The following KCNMA1 variants were observed in gnomAD, a reference collection of about 807,000 sequenced individuals.
The protein encoded by KCNMA1 is Calcium-activated potassium channel subunit alpha-1.
In KCNMA1, 29 loss-of-function variants were observed where a neutral mutation model predicts 140.0. The ratio of observed to expected loss-of-function variants is 0.21; its 90% CI spans 0.15 to 0.28. KCNMA1 has a LOEUF of 0.28. KCNMA1 is among the 10% of genes least tolerant of loss of function. The pLI is 1.00. For synonymous variants in KCNMA1, 612 were observed against 611.9 expected (o/e 1.00, Z 0.00); for missense variants, 880 against 1,602.2 (o/e 0.55, Z 7.70).
At chr10:77,175,693 G>C (rs2098746352) in intron 5 of KCNMA1, among the ~76,000 whole-genome samples, 1 of 152,184 alleles carries the variant, frequency 6.6e-6, no homozygotes, top group South Asian at 2.1e-4. Context: ...GCTGGAGTCA[G>C]AGCTGTGCCT....
At chr10:77,138,255 A>T (rs1185937984) in intron 5 of KCNMA1, among the ~76,000 whole-genome samples, 1 of 152,046 alleles carries the variant, frequency 6.6e-6, no homozygotes, top group Non-Finnish European at 1.5e-5. Context: ...TTACCTCTTT[A>T]CTTTGTTTTA....
intron 1 of KCNMA1, among the ~76,000 whole-genome samples, chr10:77,480,837 C>T (rs928317173): frequency 1.3e-5 from 2 of 151,960 alleles, no homozygotes; most frequent in Admixed American, 6.6e-5. Context: ...CAGCCGGGCA[C>T]GGTGGCTCAC....
downstream of KCNMA1, among the ~76,000 whole-genome samples, chr10:76,881,737 TGGG>T (rs1175884878): frequency 6.6e-6 from 1 of 152,134 alleles, no homozygotes; most frequent in Non-Finnish European, 1.5e-5. Flanking sequence ...GCAGAGATTC[TGGG>T]GGTAGAGAAC....
intron 2 of KCNMA1, among the ~76,000 whole-genome samples, chr10:77,343,634 C>T (rs180851054): frequency 1.4e-4 from 21 of 152,172 alleles, no homozygotes; most frequent in African/African-American, 4.3e-4. Flanking sequence ...TATATTCTAG[C>T]GAGGAGACAC....
Position 76,887,205 on chromosome 10 carries a change from A to C in KCNMA1, c.*61T>G. 1 of 1,613,552 alleles carries C rather than the reference A, an allele frequency of 6.2e-7. No individual in the cohort carries two copies. On this transcript the variant is annotated 3_prime_UTR_variant, in exon 28 of 28. Coordinates refer to ENST00000286628, the MANE Select transcript of KCNMA1 (RefSeq NM_001161352.2). ...AAACAGGGAAAGTTACTTTGTTGGA[A>C]ACACCAACTGGGGAAATGAGTGGCA...
At chr10:76,963,910 C>T (rs932928156) in intron 20 of KCNMA1, among the ~76,000 whole-genome samples, 2 of 152,088 alleles carry the variant, frequency 1.3e-5, no homozygotes, top group African/African-American at 4.8e-5. Context: ...ACACAGAAGG[C>T]TGGATTAGGC....
intron 15 of KCNMA1, 31 bp downstream of exon 15, chr10:77,039,497 G>A: frequency 7.7e-7 from 1 of 1,295,942 alleles, no homozygotes; most frequent in African/African-American, 1.5e-5. Context: ...ATCCCTGAAA[G>A]CCAAAGAGCA....
At chr10:77,431,237 G>T (rs1228616955) in intron 1 of KCNMA1, among the ~76,000 whole-genome samples, 1 of 152,150 alleles carries the variant, frequency 6.6e-6, no homozygotes, top group African/African-American at 2.4e-5. Flanking sequence ...GGTCTCTCTT[G>T]CCAAAAGCAG....
At chr10:77,264,748 A>G (rs2154270685) in intron 2 of KCNMA1, among the ~76,000 whole-genome samples, 1 of 152,292 alleles carries the variant, frequency 6.6e-6, no homozygotes, top group African/African-American at 2.4e-5. Flanking sequence ...TCTTGCTGTC[A>G]TAACCCGCCT....
intron 3 of KCNMA1, among the ~76,000 whole-genome samples, chr10:77,206,920 C>A (rs1463335721): frequency 3.3e-5 from 5 of 152,178 alleles, no homozygotes; most frequent in African/African-American, 1.2e-4. Flanking sequence ...TAGGATCAGG[C>A]TGCTCCCACC....
chr10:77,185,344 A>G (rs1215267742), intron 3 of KCNMA1, among the ~76,000 whole-genome samples: 1 of 152,068 alleles, frequency 6.6e-6, no homozygotes, highest in Non-Finnish European at 1.5e-5. Context: ...CCTCCAACGC[A>G]TTGGCAGTGG....
intron 1 of KCNMA1, among the ~76,000 whole-genome samples, chr10:77,596,094 A>G (rs1014958828): frequency 3.3e-5 from 5 of 152,194 alleles, no homozygotes; most frequent in African/African-American, 7.2e-5. Flanking sequence ...CATAAAACAA[A>G]TGGCCCCCAA....
intron 1 of KCNMA1, among the ~76,000 whole-genome samples, chr10:77,455,538 T>C (rs1217458441): frequency 7.9e-5 from 12 of 152,210 alleles, no homozygotes; most frequent in Admixed American, 7.2e-4. Context: ...CTATGAAATG[T>C]AGGTGAGCTT....
chr10:77,044,885 T>C (rs2094949600), intron 14 of KCNMA1, among the ~76,000 whole-genome samples: 1 of 151,810 alleles, frequency 6.6e-6, no homozygotes, highest in Non-Finnish European at 1.5e-5. Context: ...GTAGGGAGGT[T>C]GTGGTGTTAG....
intron 11 of KCNMA1, 135 bp from the exon 12 acceptor site, chr10:77,084,854 A>C: frequency 2.9e-6 from 2 of 686,956 alleles, no homozygotes; most frequent in Non-Finnish European, 5.1e-6. Context: ...AGCCTGAGAG[A>C]TTATAGTTTT....
intron 2 of KCNMA1, among the ~76,000 whole-genome samples, chr10:77,262,365 T>G (rs1411760702): frequency 6.6e-6 from 1 of 152,182 alleles, no homozygotes; most frequent in Non-Finnish European, 1.5e-5. Context: ...GTAGTCACAT[T>G]CATTGAGACA....
At chr10:76,978,532 T>A (rs1224668096) in intron 19 of KCNMA1, 2 of 152,218 alleles carry the variant, frequency 1.3e-5, no homozygotes, top group Non-Finnish European at 2.9e-5. Flanking sequence ...TGAATGCTGA[T>A]CTTTCTGAGC....
chr10:77,137,535 A>G (rs959295720), intron 5 of KCNMA1, among the ~76,000 whole-genome samples: 2 of 152,254 alleles, frequency 1.3e-5, no homozygotes, highest in Middle Eastern at 3.4e-3. Flanking sequence ...CCCTTCTGCC[A>G]TCACAGGTCC....
chr10:77,327,894 A>T (rs2084812347), intron 2 of KCNMA1, among the ~76,000 whole-genome samples: 1 of 152,068 alleles, frequency 6.6e-6, no homozygotes, highest in Non-Finnish European at 1.5e-5. Flanking sequence ...TAAAGTGGGG[A>T]TTTTTATGTC....
Sources: gnomAD v4.1 joint callset for allele counts (sites outside exome capture counted in the v4.1 genomes callset) on GRCh38, gnomAD v4.1.1 for gene constraint, MANE v1.5 for transcripts, NCBI Gene and HGNC (gene_info 2026-07-23, HGNC 2026-07-21) for gene names.